The following CSMD1 variants were observed in gnomAD, a reference collection of about 807,000 sequenced individuals.
The protein encoded by CSMD1 is CUB and sushi domain-containing protein 1.
In CSMD1, 213 loss-of-function variants were observed where a neutral mutation model predicts 417.5. That is an observed-to-expected ratio of 0.51 (90% confidence interval 0.46 to 0.57). The LOEUF is 0.57. CSMD1 is among the 20% of genes least tolerant of loss of function. CSMD1 has a pLI of 0.00. For missense variants in CSMD1, 6,923 were observed against 4,529.7 expected, an observed-to-expected ratio of 1.53 and a Z score of -15.17; for synonymous variants, 2,862 against 1,736.8, an observed-to-expected ratio of 1.65 and a Z score of -16.11.
At chr8:4,912,979 G>C (rs1048581894) in intron 1 of CSMD1, among the ~76,000 whole-genome samples, 1 of 152,086 alleles carries the variant, frequency 6.6e-6, no homozygotes, top group South Asian at 2.1e-4. Context: ...AGTAGAGATG[G>C]GGTTTTACCG....
intron 3 of CSMD1, among the ~76,000 whole-genome samples, chr8:4,080,274 C>T (rs961640315): frequency 6.6e-6 from 1 of 152,174 alleles, no homozygotes; most frequent in African/African-American, 2.4e-5. Context: ...TCCTACTTGA[C>T]AAGTGCACAC....
In CSMD1 at chr8:3,177,000, G is replaced by C. The variant is rs184995841; in HGVS notation, c.5725+4110C>G. Among the ~76,000 whole-genome samples the C allele has an allele frequency of 2.0e-5, 3 of 151,904 alleles. No individual in the cohort carries two copies. In the East Asian group the frequency reaches 5.8e-4, roughly 30 times the overall value. ...GCCATGTTGCCCAGGCTGGTCTTGA[G>C]CTTCTGGGCTCAAGCGATCCACTCA... is the stretch of plus-strand genomic sequence containing the variant. On this transcript the variant is annotated intron_variant, in intron 37 of 69. Transcript: ENST00000635120.
chr8:4,641,391 A>G (rs896603880), intron 1 of CSMD1, among the ~76,000 whole-genome samples: 1 of 152,158 alleles, frequency 6.6e-6, no homozygotes, highest in Non-Finnish European at 1.5e-5. Context: ...TACTCCTTAG[A>G]TAAGTCCTTA....
At chr8:4,052,144 C>T (rs552413977) in intron 3 of CSMD1, among the ~76,000 whole-genome samples, 4 of 152,066 alleles carry the variant, frequency 2.6e-5, no homozygotes, top group Non-Finnish European at 2.9e-5. Context: ...AGGGTGGTCT[C>T]GAACTCCTGA....
chr8:3,942,181 C>T (rs2407188), intron 5 of CSMD1, among the ~76,000 whole-genome samples: 2 of 151,528 alleles, frequency 1.3e-5, no homozygotes, highest in Admixed American at 1.3e-4. Context: ...AAGGTGTGGG[C>T]TCCCACTGAT....
At chr8:3,562,508 G>A (rs1337370784) in intron 10 of CSMD1, among the ~76,000 whole-genome samples, 1 of 151,722 alleles carries the variant, frequency 6.6e-6, no homozygotes, top group Non-Finnish European at 1.5e-5. Flanking sequence ...GAGTGCCACA[G>A]CAATCCAAAA....
At chr8:4,099,336 A>T (rs1245118344) in intron 3 of CSMD1, among the ~76,000 whole-genome samples, 1 of 151,782 alleles carries the variant, frequency 6.6e-6, no homozygotes, top group Non-Finnish European at 1.5e-5. Flanking sequence ...ACTTTCTCCC[A>T]TTTTCAACAT....
At chr8:4,081,701 CT>C (rs1360917972) in intron 3 of CSMD1, among the ~76,000 whole-genome samples, 3 of 152,128 alleles carry the variant, frequency 2.0e-5, no homozygotes, top group African/African-American at 7.2e-5. Flanking sequence ...CATTTAAATT[CT>C]AAAAAGTATT....
intron 20 of CSMD1, among the ~76,000 whole-genome samples, chr8:3,362,800 C>G (rs1809284484): frequency 6.6e-6 from 1 of 152,186 alleles, no homozygotes. Flanking sequence ...GACACCTTCA[C>G]TTCCTGCCAA....
chr8:4,069,920 T>C (rs933948095), intron 3 of CSMD1, among the ~76,000 whole-genome samples: 2 of 152,204 alleles, frequency 1.3e-5, no homozygotes, highest in Non-Finnish European at 2.9e-5. Flanking sequence ...TTTTACCACT[T>C]TGTATAAAAT....
At chr8:4,456,899 A>G (rs1799521347) in intron 2 of CSMD1, among the ~76,000 whole-genome samples, 1 of 151,656 alleles carries the variant, frequency 6.6e-6, no homozygotes, top group Admixed American at 6.6e-5. Flanking sequence ...CCCGTATTTG[A>G]AGCCAGTTTC....
intron 1 of CSMD1, among the ~76,000 whole-genome samples, chr8:4,687,464 C>A (rs1165781033): frequency 6.6e-6 from 1 of 152,136 alleles, no homozygotes; most frequent in African/African-American, 2.4e-5. Context: ...ACTAAGTCCA[C>A]CTGATCAATT....
At chr8:3,413,984 C>T (rs1045499054) in intron 12 of CSMD1, among the ~76,000 whole-genome samples, 3 of 151,280 alleles carry the variant, frequency 2.0e-5, no homozygotes, top group African/African-American at 7.3e-5. Context: ...ACTAAAAATA[C>T]AAAAATTAGC....
chr8:3,408,289 C>A, intron 13 of CSMD1, 64 bp from the exon 14 acceptor site: 3 of 1,314,328 alleles, frequency 2.3e-6, no homozygotes, highest in Admixed American at 2.3e-5. Context: ...CCATGTGAAA[C>A]AGACAGCTAA....
At chr8:3,216,532 C>T (rs889037942) in intron 29 of CSMD1, among the ~76,000 whole-genome samples, 2 of 152,176 alleles carry the variant, frequency 1.3e-5, no homozygotes, top group African/African-American at 4.8e-5. Context: ...ATCACCTACA[C>T]AACTTTCTTC....
intron 1 of CSMD1, among the ~76,000 whole-genome samples, chr8:4,843,728 A>C (rs9314546): frequency 6.6e-6 from 1 of 152,136 alleles, no homozygotes; most frequent in Non-Finnish European, 1.5e-5. Context: ...GTTTTACACA[A>C]TGCCTATCAC....
At chr8:4,311,672 G>A (rs1478250925) in intron 3 of CSMD1, among the ~76,000 whole-genome samples, 3 of 146,840 alleles carry the variant, frequency 2.0e-5, no homozygotes, top group East Asian at 2.2e-4. Flanking sequence ...GCAGTGAGCC[G>A]AGATTGTGCC....
At chr8:3,945,468 CTTAG>C (rs1223118226) in intron 5 of CSMD1, among the ~76,000 whole-genome samples, 1 of 152,026 alleles carries the variant, frequency 6.6e-6, no homozygotes, top group Non-Finnish European at 1.5e-5. Flanking sequence ...CAATTGTTTT[CTTAG>C]TTACTCTTCA....
At chr8:4,874,185 C>T (rs28533777) in intron 1 of CSMD1, among the ~76,000 whole-genome samples, 2,387 of 152,068 alleles carry the variant, frequency 0.016, 74 homozygotes, top group African/African-American at 0.054. Flanking sequence ...AATGAATGAA[C>T]AATGAACATG....
Sources: allele counts gnomAD v4.1 joint callset (sites outside exome capture counted in the v4.1 genomes callset), GRCh38; gene constraint gnomAD v4.1.1; transcripts MANE v1.5; gene names NCBI Gene and HGNC (gene_info 2026-07-23, HGNC 2026-07-21).